Variants in PLEKHG1 observed in about 807,000 individuals in gnomAD.
PLEKHG1 encodes the protein pleckstrin homology and RhoGEF domain containing G1.
A neutral mutation model predicts 100.8 loss-of-function variants in PLEKHG1; 44 were observed. The ratio of observed to expected loss-of-function variants is 0.44; its 90% CI spans 0.34 to 0.56. The LOEUF (loss-of-function observed/expected upper bound fraction) is 0.56, where lower values mean the gene tolerates loss of function less well. Among genes scored for constraint, PLEKHG1 ranks in the 20% least tolerant of loss-of-function variants. The pLI is 0.01. For missense variants in PLEKHG1, 1,545 were observed against 1,720.9 expected, an observed-to-expected ratio of 0.90 and a Z score of 1.81; for synonymous variants, 640 against 662.5, an observed-to-expected ratio of 0.97 and a Z score of 0.52.
rs944624992 is a variant in PLEKHG1 at position 150,615,984 on chromosome 6, C to T, written c.-204+15967C>T. ...AACTTTGAATATATGCAGTTATTTC[C>T]ACTTCACAGATGAGGAAACTGAGGC... On this transcript the variant is annotated intron_variant, in intron 1 of 3. Transcript: ENST00000367326. Among the ~76,000 whole-genome samples the T allele has an allele frequency of 3.3e-5, 5 of 152,094 alleles. No individual in the cohort carries two copies. In the South Asian group the frequency reaches 8.3e-4, roughly 25 times the overall value.
At chr6:150,681,259 T>C (rs1393803670) in intron 3 of PLEKHG1, among the ~76,000 whole-genome samples, 1 of 152,138 alleles carries the variant, frequency 6.6e-6, no homozygotes, top group Non-Finnish European at 1.5e-5. Context: ...TGGTGGCTCA[T>C]GCCTGTAATC....
chr6:150,732,095 G>A (rs139461040), intron 1 of PLEKHG1, among the ~76,000 whole-genome samples: 4,217 of 151,676 alleles, frequency 0.028, 71 homozygotes, highest in South Asian at 0.052. Context: ...CCGAGTAGCT[G>A]GGACTACAGG....
intron 2 of PLEKHG1, among the ~76,000 whole-genome samples, chr6:150,746,461 G>C (rs1182290943): frequency 6.6e-6 from 1 of 152,028 alleles, no homozygotes; most frequent in African/African-American, 2.4e-5. Flanking sequence ...AAAAAAACAT[G>C]GTCTTCCGTT....
chr6:150,712,063 C>T (rs891905985), intron 3 of PLEKHG1, among the ~76,000 whole-genome samples: 3 of 152,122 alleles, frequency 2.0e-5, no homozygotes, highest in African/African-American at 4.8e-5. Flanking sequence ...CTGGTTCAAA[C>T]GAAGGGTGTA....
chr6:150,767,621 T>TA (rs1784512138), intron 2 of PLEKHG1, among the ~76,000 whole-genome samples: 1 of 152,218 alleles, frequency 6.6e-6, no homozygotes, highest in Non-Finnish European at 1.5e-5. Flanking sequence ...TAATGGATCT[T>TA]ACATTTCAGC....
At chr6:150,630,736 A>G (rs375464873) in intron 1 of PLEKHG1, among the ~76,000 whole-genome samples, 54 of 152,280 alleles carry the variant, frequency 3.5e-4, no homozygotes, top group African/African-American at 1.2e-3. Flanking sequence ...CAGCAAATCA[A>G]TGATATTTAC....
chr6:150,706,391 A>G (rs1394476336), intron 3 of PLEKHG1, among the ~76,000 whole-genome samples: 2 of 151,856 alleles, frequency 1.3e-5, no homozygotes, highest in Non-Finnish European at 2.9e-5. Flanking sequence ...AGGTGGGAGG[A>G]TCACTTGAGC....
At chr6:150,666,588 A>C (rs1015545820) in intron 3 of PLEKHG1, among the ~76,000 whole-genome samples, 6 of 152,116 alleles carry the variant, frequency 3.9e-5, no homozygotes, top group Admixed American at 6.5e-5. Context: ...CATTGCAGAC[A>C]CAGAAAAGAC....
intron 2 of PLEKHG1, among the ~76,000 whole-genome samples, chr6:150,650,233 G>A (rs943013751): frequency 6.6e-6 from 1 of 152,126 alleles, no homozygotes; most frequent in African/African-American, 2.4e-5. Flanking sequence ...GGCAATTGTT[G>A]GAGGACTTGT....
chr6:150,723,390 G>A (rs72570328), intron 1 of PLEKHG1, among the ~76,000 whole-genome samples: 13,038 of 152,202 alleles, frequency 0.086, 637 homozygotes, highest in Admixed American at 0.14. Context: ...GCCACACACT[G>A]TGTAGTCCCT....
chr6:150,764,273 C>A (rs1784344164), intron 2 of PLEKHG1, among the ~76,000 whole-genome samples: 2 of 152,112 alleles, frequency 1.3e-5, no homozygotes, highest in South Asian at 4.2e-4. Context: ...TGCCTGCCAC[C>A]ATGCCCCGCT....
chr6:150,824,804 A>C (rs549719423), intron 14 of PLEKHG1, among the ~76,000 whole-genome samples: 10 of 152,330 alleles, frequency 6.6e-5, no homozygotes, highest in Non-Finnish European at 1.5e-4. Flanking sequence ...TGCTGGGATT[A>C]CAGGCATGAA....
At chr6:150,714,744 C>G (rs1455388898) in intron 3 of PLEKHG1, among the ~76,000 whole-genome samples, 3 of 152,036 alleles carry the variant, frequency 2.0e-5, no homozygotes, top group African/African-American at 7.2e-5. Context: ...CGAAAAATGG[C>G]TTCATTTAAT....
At chr6:150,726,401 T>C (rs923486708) in intron 1 of PLEKHG1, among the ~76,000 whole-genome samples, 4 of 152,216 alleles carry the variant, frequency 2.6e-5, no homozygotes, top group African/African-American at 9.6e-5. Context: ...ATACATTAAA[T>C]ATGTATAACT....
chr6:150,745,828 A>C (rs1432665907), intron 2 of PLEKHG1, among the ~76,000 whole-genome samples: 3 of 152,216 alleles, frequency 2.0e-5, no homozygotes, highest in African/African-American at 7.2e-5. Context: ...ACATACATAC[A>C]TGCTATAGTA....
At position 150,753,543 on chromosome 6, in the gene PLEKHG1, A is replaced by G. The variant is rs550841667; in HGVS notation, c.412-15095A>G. ...GACCATAAATACACAACTGCTGAAA[A>G]GACTGCTGCTTTTGTCTGATTTTCC... On this transcript the variant is annotated intron_variant, in intron 2 of 15. Coordinates refer to ENST00000358517, the Ensembl canonical transcript of PLEKHG1. Among the ~76,000 whole-genome samples, 4 of 152,270 alleles carry G rather than the reference A, an allele frequency of 2.6e-5. No individual in the cohort carries two copies. In the East Asian group the frequency reaches 5.8e-4, roughly 22 times the overall value.
chr6:150,779,888 A>C (rs999315806), intron 3 of PLEKHG1, among the ~76,000 whole-genome samples: 3 of 149,358 alleles, frequency 2.0e-5, no homozygotes, highest in Non-Finnish European at 4.5e-5. Flanking sequence ...GCTTGAACCC[A>C]GAAGGTGGAG....
In PLEKHG1 at chr6:150,809,096, C is replaced by T. The variant is rs550537084; in HGVS notation, c.913-9C>T. 1.6e-5 allele frequency: 26 copies of T among 1,610,064 alleles called. No homozygotes were observed. In the South Asian group the frequency reaches 2.2e-4, roughly 14 times the overall value. ...TCCTGTAAATGCCATGGCCCATTCC[C>T]TTTCTCAGGAGATACAGAGTTTGCT... On this transcript the variant is annotated splice_polypyrimidine_tract_variant and intron_variant, in intron 7 of 15. Transcript: ENST00000358517.
intron 3 of PLEKHG1, among the ~76,000 whole-genome samples, chr6:150,685,681 G>T (rs1038791483): frequency 6.6e-6 from 1 of 152,204 alleles, no homozygotes; most frequent in African/African-American, 2.4e-5. Context: ...TAAGGTAAAT[G>T]TCAACAAAAT....
Sources: gnomAD v4.1 joint callset for allele counts (sites outside exome capture counted in the v4.1 genomes callset) on GRCh38, gnomAD v4.1.1 for gene constraint, MANE v1.5 for transcripts, NCBI Gene and HGNC (gene_info 2026-07-23, HGNC 2026-07-21) for gene names.